RSPO2: variants seen among roughly 807,000 people sequenced by gnomAD.
RSPO2 encodes the protein R-spondin 2.
In RSPO2, 14 loss-of-function variants were observed where a neutral mutation model predicts 30.9. The observed-to-expected ratio is 0.45, with a 90% CI of 0.30 to 0.71. RSPO2 has a LOEUF of 0.71. RSPO2 is among the 30% of genes least tolerant of loss of function. RSPO2 has a pLI of 0.08. For synonymous variants in RSPO2, 107 were observed against 96.4 expected, an observed-to-expected ratio of 1.11 and a Z score of -0.64; for missense variants, 264 against 301.9, an observed-to-expected ratio of 0.87 and a Z score of 0.93.
intron 3 of RSPO2, chr8:107,983,730 C>T (rs1339483335): frequency 1.9e-6 from 3 of 1,593,032 alleles, no homozygotes; most frequent in East Asian, 2.2e-5. Context: ...AAAGGCCAGA[C>T]TTCTAAAAGG....
intron 2 of RSPO2, among the ~76,000 whole-genome samples, chr8:108,023,396 G>A (rs73321425): frequency 0.029 from 4,454 of 152,154 alleles, 207 homozygotes; most frequent in African/African-American, 0.1. Context: ...ATCCACCCAG[G>A]AACAAGAGAG....
intron 5 of RSPO2, among the ~76,000 whole-genome samples, chr8:107,931,777 C>A (rs1402329179): frequency 6.6e-6 from 1 of 152,122 alleles, no homozygotes; most frequent in Non-Finnish European, 1.5e-5. Flanking sequence ...AAGTTCAGTT[C>A]TGACATTCCT....
intron 3 of RSPO2, among the ~76,000 whole-genome samples, chr8:107,970,914 T>A (rs1258926360): frequency 6.6e-6 from 1 of 152,188 alleles, no homozygotes; most frequent in East Asian, 1.9e-4. Context: ...CCATCTAGTT[T>A]GATGATAAAA....
chr8:107,911,307 T>A (rs1446341998), intron 5 of RSPO2, among the ~76,000 whole-genome samples: 1 of 152,142 alleles, frequency 6.6e-6, no homozygotes, highest in Admixed American at 6.5e-5. Flanking sequence ...CCTGAACAGC[T>A]CTTGGATGGA....
At chr8:107,982,032 AG>A (rs1814458423) in intron 3 of RSPO2, among the ~76,000 whole-genome samples, 3 of 146,900 alleles carry the variant, frequency 2.0e-5, no homozygotes, top group Admixed American at 6.7e-5. Flanking sequence ...AAAAAAAAAA[AG>A]GAAGGAAAGA....
At chr8:107,940,587 T>C (rs1812865638) in intron 5 of RSPO2, among the ~76,000 whole-genome samples, 1 of 152,184 alleles carries the variant, frequency 6.6e-6, no homozygotes, top group Non-Finnish European at 1.5e-5. Context: ...CAACTCCCAG[T>C]GAATGCTTGG....
chr8:108,012,936 G>A (rs16877078), intron 2 of RSPO2, among the ~76,000 whole-genome samples: 12,341 of 152,186 alleles, frequency 0.081, 783 homozygotes, highest in African/African-American at 0.18. Flanking sequence ...GCACAGATCA[G>A]AGCCTAATGG....
intron 2 of RSPO2, among the ~76,000 whole-genome samples, chr8:108,021,779 G>T (rs1257393056): frequency 6.6e-6 from 1 of 151,228 alleles, no homozygotes; most frequent in African/African-American, 2.4e-5. Flanking sequence ...GGGGGCAGGG[G>T]TTGGGGACAA....
Position 108,030,119 on chromosome 8 carries a change from GA to G in RSPO2, c.95-40876del, listed in dbSNP as rs11434221. On this transcript the variant is annotated intron_variant, in intron 2 of 5. Coordinates refer to ENST00000276659, the MANE Select transcript of RSPO2 (RefSeq NM_178565.5). ...GAAAGTAGGGTCCTGGGATAGATAG[GA>G]AAAAAAAAAAAAAAAAAAAAAAAGC... 4.3e-3 allele frequency among the ~76,000 whole-genome samples: 302 copies of G among 70,996 alleles called. 1 individual carries two copies. In the East Asian group the frequency reaches 0.083, roughly 19 times the overall value. The allele number at this position is 70,996 out of a possible 152,430, so 46.6% of individuals were successfully genotyped here. A position where few individuals can be genotyped will look rare whatever the true frequency, so the allele number is the denominator to read the frequency against.
At chr8:107,937,154 GT>G (rs34187034) in intron 5 of RSPO2, among the ~76,000 whole-genome samples, 1,428 of 139,984 alleles carry the variant, frequency 0.01, 25 homozygotes, top group African/African-American at 0.034. Flanking sequence ...ATCTTCAGTT[GT>G]TTTTTTTTTT....
At chr8:108,061,042 C>T (rs1812443805) in intron 2 of RSPO2, among the ~76,000 whole-genome samples, 1 of 151,796 alleles carries the variant, frequency 6.6e-6, no homozygotes, top group African/African-American at 2.4e-5. Context: ...AAGCACTAAA[C>T]ATGGAAAGGA....
intron 5 of RSPO2, among the ~76,000 whole-genome samples, chr8:107,956,212 C>T (rs1233823166): frequency 6.6e-6 from 1 of 152,066 alleles, no homozygotes; most frequent in African/African-American, 2.4e-5. Context: ...TATTTAGTTT[C>T]CTTTCAATAA....
chr8:108,014,280 T>C (rs895184499), intron 2 of RSPO2, among the ~76,000 whole-genome samples: 1 of 152,046 alleles, frequency 6.6e-6, no homozygotes, highest in Non-Finnish European at 1.5e-5. Context: ...TTGAAGAGAG[T>C]GTGGCGATTC....
chr8:107,910,800 G>T (rs964561098), intron 5 of RSPO2, among the ~76,000 whole-genome samples: 15 of 152,150 alleles, frequency 9.9e-5, no homozygotes, highest in Admixed American at 5.2e-4. Flanking sequence ...GCTCATACCT[G>T]TAATCCCAGC....
intron 5 of RSPO2, among the ~76,000 whole-genome samples, chr8:107,925,245 A>G (rs1221510669): frequency 1.3e-5 from 2 of 151,772 alleles, no homozygotes; most frequent in Admixed American, 1.3e-4. Flanking sequence ...AGAAATCACC[A>G]CTCGAGAACC....
intron 2 of RSPO2, among the ~76,000 whole-genome samples, chr8:108,052,718 AACT>A (rs1302340902): frequency 1.3e-5 from 2 of 152,300 alleles, no homozygotes; most frequent in East Asian, 1.9e-4. Flanking sequence ...TAAACTAGAT[AACT>A]ACTATTATTC....
intron 4 of RSPO2, 145 bp from the exon 5 acceptor site, chr8:107,958,413 GACCTATACTC>G: frequency 1.6e-6 from 1 of 613,250 alleles, no homozygotes; most frequent in East Asian, 2.8e-5. Flanking sequence ...CAGCCTTGAA[GACCTATACTC>G]ACCTTTTGGG....
At chr8:107,942,550 T>G (rs1306871814) in intron 5 of RSPO2, among the ~76,000 whole-genome samples, 1 of 152,182 alleles carries the variant, frequency 6.6e-6, no homozygotes, top group African/African-American at 2.4e-5. Context: ...AAGTAAAAAT[T>G]TTAAACTAAA....
chr8:108,068,954 G>A (rs1024734701), intron 2 of RSPO2, among the ~76,000 whole-genome samples: 3 of 152,134 alleles, frequency 2.0e-5, no homozygotes, highest in Non-Finnish European at 4.4e-5. Context: ...GCAGTCCTAG[G>A]AAATTAATAC....
Sources: allele counts gnomAD v4.1 joint callset (sites outside exome capture counted in the v4.1 genomes callset), GRCh38; gene constraint gnomAD v4.1.1; transcripts MANE v1.5; gene names NCBI Gene and HGNC (gene_info 2026-07-23, HGNC 2026-07-21).